Variants in NPR3 observed in about 807,000 individuals in gnomAD.
The protein encoded by NPR3 is natriuretic peptide receptor 3.
NPR3 carries 34 observed loss-of-function variants against 54.5 expected under a neutral mutation model. That is an observed-to-expected ratio of 0.62 (90% CI 0.47 to 0.83). The LOEUF is 0.83. Among genes scored for constraint, NPR3 ranks in the 40% least tolerant of loss-of-function variants. NPR3 has a pLI of 0.00. For missense variants in NPR3, 674 were observed against 720.8 expected (o/e 0.94, Z 0.74); for synonymous variants, 289 against 297.1 (o/e 0.97, Z 0.28).
chr5:32,757,279 T>C (rs1740898350), intron 3 of NPR3, among the ~76,000 whole-genome samples: 2 of 152,202 alleles, frequency 1.3e-5, no homozygotes, highest in African/African-American at 2.4e-5. Flanking sequence ...TTTTATTTCA[T>C]TGAGCAGTGG....
chr5:32,736,259 A>G (rs1456662961), intron 2 of NPR3, among the ~76,000 whole-genome samples: 1 of 151,176 alleles, frequency 6.6e-6, no homozygotes, highest in Non-Finnish European at 1.5e-5. Context: ...GAAAAAAAAA[A>G]GGAAAACAAA....
intron 2 of NPR3, among the ~76,000 whole-genome samples, chr5:32,727,045 T>C (rs1739174196): frequency 6.6e-6 from 1 of 152,240 alleles, no homozygotes; most frequent in Admixed American, 6.5e-5. Flanking sequence ...ACTTTCTCTC[T>C]CACATATTTA....
intron 3 of NPR3, among the ~76,000 whole-genome samples, chr5:32,761,966 C>T (rs572527860): frequency 2.8e-4 from 43 of 152,136 alleles, no homozygotes; most frequent in South Asian, 6.2e-4. Context: ...CAACAGGCCC[C>T]GGTGTGTGAT....
chr5:32,721,569 C>T (rs1403344024), intron 1 of NPR3, among the ~76,000 whole-genome samples: 1 of 152,124 alleles, frequency 6.6e-6, no homozygotes, highest in Non-Finnish European at 1.5e-5. Context: ...CGCTTGAGCC[C>T]AGGAGATGGA....
chr5:32,712,553 G>A lies in NPR3; in HGVS notation c.769+8G>A, dbSNP rs377559221. 8.6e-6 allele frequency: 13 copies of A among 1,506,648 alleles called. No homozygotes were observed. In the African/African-American group the frequency reaches 1.5e-4, roughly 18 times the overall value. 93.3% of individuals were successfully genotyped at this position (1,506,648 alleles called of 1,614,324 possible). ...TCCAGGCCAGTGAGAGAGGTGAGCA[G>A]GGGCGCGTCCCGGGCCCCGGGCCCT... On this transcript the variant is annotated splice_region_variant and intron_variant, in intron 1 of 7. Transcript: ENST00000265074.
At chr5:32,739,448 T>G (rs1480249753) in intron 3 of NPR3, among the ~76,000 whole-genome samples, 1 of 152,120 alleles carries the variant, frequency 6.6e-6, no homozygotes, top group Non-Finnish European at 1.5e-5. Flanking sequence ...CAGCTGATAT[T>G]TGGGGTTTTA....
At chr5:32,758,741 A>G (rs941671780) in intron 3 of NPR3, among the ~76,000 whole-genome samples, 1 of 152,132 alleles carries the variant, frequency 6.6e-6, no homozygotes, top group African/African-American at 2.4e-5. Context: ...GTGGGCTTTC[A>G]GTGCTATAAA....
At chr5:32,735,084 C>G (rs1262974228) in intron 2 of NPR3, among the ~76,000 whole-genome samples, 7 of 152,162 alleles carry the variant, frequency 4.6e-5, no homozygotes, top group Non-Finnish European at 8.8e-5. Flanking sequence ...TAATTTGGAG[C>G]CGTGTGGAAA....
In NPR3 at chr5:32,786,431, G is replaced by T. The variant is rs1397987310; in HGVS notation, c.*86G>T. On this transcript the variant is annotated 3_prime_UTR_variant, in exon 8 of 8. Coordinates refer to ENST00000265074, the MANE Select transcript of NPR3 (RefSeq NM_001204375.2). ...AAGACATCAATGAAACAGAAGGGGC[G>T]TTCTTGAAGAATTCATAATTTTAAG... 3.7e-5 allele frequency: 24 copies of T among 654,400 alleles called. No individual in the cohort carries two copies. The highest frequency in any genetic ancestry group is 6.0e-5 in the Non-Finnish European group (22 of 367,358). 40.5% of individuals were successfully genotyped at this position (654,400 alleles called of 1,614,324 possible).
intron 3 of NPR3, among the ~76,000 whole-genome samples, chr5:32,756,306 G>A (rs570038186): frequency 3.9e-5 from 6 of 152,184 alleles, no homozygotes; most frequent in African/African-American, 1.4e-4. Flanking sequence ...TAACTGGTGT[G>A]AGATGGTATC....
Position 32,790,007 on chromosome 5 carries a change from C to T in NPR3, c.*3662C>T, listed in dbSNP as rs181383466. 9.1e-4 allele frequency: 234 copies of T among 257,390 alleles called. 1 individual carries two copies. The highest frequency in any genetic ancestry group is 5.0e-3 in the African/African-American group (223 of 44,958). The allele number at this position is 257,390 out of a possible 1,614,324, so 15.9% of individuals were successfully genotyped here. On this transcript the variant is annotated 3_prime_UTR_variant, in exon 8 of 8. Transcript: ENST00000265074. Reference sequence around the variant, plus strand: ...AAATGTCAGCCCAAATTAGGCCCCTCGACCTACAGACATTTCATGGGTTTT... The same window carrying T: ...AAATGTCAGCCCAAATTAGGCCCCTTGACCTACAGACATTTCATGGGTTTT...
upstream of NPR3, chr5:32,710,725 A>C (rs774169121): frequency 4.5e-6 from 7 of 1,547,284 alleles, no homozygotes; most frequent in South Asian, 8.4e-5. Flanking sequence ...GGGACCAGGA[A>C]GGTCAGGTGC....
rs201661872 is a variant in NPR3 at position 32,739,037 on chromosome 5, G to T, written c.1059+7G>T. 1.2e-6 allele frequency: 2 copies of T among 1,613,080 alleles called. No homozygotes were observed. The highest frequency in any genetic ancestry group is 1.7e-6 in the Non-Finnish European group (2 of 1,179,454). On this transcript the variant is annotated splice_region_variant and intron_variant, in intron 3 of 7. Transcript: ENST00000265074. ...GCTCAATATGGAGGATTACGTAAGT[G>T]CCTGATTATGAGCCTAGACCTTTAG...
intron 1 of NPR3, among the ~76,000 whole-genome samples, chr5:32,719,407 C>T (rs1036575970): frequency 6.6e-6 from 1 of 152,144 alleles, no homozygotes; most frequent in South Asian, 2.1e-4. Flanking sequence ...TTTCATCATA[C>T]CTTTACACAT....
chr5:32,782,945 T>C lies in NPR3; in HGVS notation c.1343T>C (p.Val448Ala), dbSNP rs369288488. 2.5e-6 allele frequency: 4 copies of C among 1,611,614 alleles called. No individual in the cohort carries two copies. In the African/African-American group the frequency reaches 5.3e-5, roughly 22 times the overall value. Residue 448 changes from valine (V) to alanine (A), a missense_variant, in exon 6 of 8, where the codon GTC becomes GCC. Transcript: ENST00000265074. The stretch of plus-strand genomic sequence containing the variant: ...GGTCGTTTTGAAATGCGGCCGAATG[T>C]CAAATATCCTTGGGGCCCTTTAAAA... ...KEGRFEMRPNVKYPWGPLKLR... is the reference protein window; with the variant it reads ...KEGRFEMRPNAKYPWGPLKLR...
chr5:32,774,492 T>C (rs1424916263), intron 3 of NPR3, among the ~76,000 whole-genome samples: 1 of 152,202 alleles, frequency 6.6e-6, no homozygotes, highest in Non-Finnish European at 1.5e-5. Flanking sequence ...TTGACTTCTG[T>C]ACGAGGCTTT....
At chr5:32,717,026 C>G (rs1738596035) in intron 1 of NPR3, among the ~76,000 whole-genome samples, 1 of 145,614 alleles carries the variant, frequency 6.9e-6, no homozygotes, top group Non-Finnish European at 1.5e-5. Flanking sequence ...CTGACAGGCC[C>G]CGGTGTGTGA....
chr5:32,709,831 TA>T (rs3834818), upstream of NPR3: 68,154 of 151,806 alleles, frequency 0.45, 16,238 homozygotes, highest in African/African-American at 0.58. Context: ...CAGAGCGCGT[TA>T]AAGGCCTCGG....
Position 32,728,835 on chromosome 5 carries a change from GTGTATATATATATA to G in NPR3, c.892+4017_892+4030del, listed in dbSNP as rs1245051924. On this transcript the variant is annotated intron_variant, in intron 2 of 7. Coordinates refer to ENST00000265074, the MANE Select transcript of NPR3 (RefSeq NM_001204375.2). ...AATATTTGTGTGTGTGTGTGTGTGT[GTGTATATATATATA>G]TATATATATATATATATATATATAT... 4.0e-4 allele frequency among the ~76,000 whole-genome samples: 24 copies of G among 60,626 alleles called. No homozygotes were observed. In the East Asian group the frequency reaches 6.9e-3, roughly 17 times the overall value. The allele number at this position is 60,626 out of a possible 152,430, so 39.8% of individuals were successfully genotyped here. A position where few individuals can be genotyped will look rare whatever the true frequency, so the allele number is the denominator to read the frequency against.
Sources: gnomAD v4.1 joint callset for allele counts (sites outside exome capture counted in the v4.1 genomes callset) on GRCh38, gnomAD v4.1.1 for gene constraint, MANE v1.5 for transcripts, NCBI Gene and HGNC (gene_info 2026-07-23, HGNC 2026-07-21) for gene names.